The following NCEH1 variants were observed in gnomAD, a reference collection of about 807,000 sequenced individuals.
NCEH1 encodes 2-acetyl MAGE hydrolase.
Under a neutral mutation model 25.4 loss-of-function variants are expected in NCEH1, and 9 were observed. The observed-to-expected ratio is 0.35, with a 90% CI of 0.21 to 0.62. The LOEUF is 0.62. Among genes scored for constraint, NCEH1 ranks in the 20% least tolerant of loss-of-function variants. The pLI is 0.72. For missense variants in NCEH1, 412 were observed against 501.1 expected, an observed-to-expected ratio of 0.82 and a Z score of 1.70; for synonymous variants, 200 against 199.8, an observed-to-expected ratio of 1.00 and a Z score of -0.01.
rs2108485031 is a variant in NCEH1, at chr3:172,632,119, A to G, written c.*1356T>C. ...AGCTTGTGTTCCTCTGACCCTAAAA[A>G]GCGGAGATGAGCAGTGTGTGCCTTG... On this transcript the variant is annotated 3_prime_UTR_variant, in exon 5 of 5. Transcript: ENST00000475381. 1 of 152,610 alleles carries G rather than the reference A, an allele frequency of 6.6e-6. No homozygotes were observed. Among genetic ancestry groups the G allele is most frequent in the South Asian group, 2.1e-4 (1 of 4,824 alleles). 9.5% of individuals were successfully genotyped at this position (152,610 alleles called of 1,614,324 possible). A position where few individuals can be genotyped will look rare whatever the true frequency, so the allele number is the denominator to read the frequency against.
chr3:172,646,263 G>T (rs1351811937), intron 2 of NCEH1, among the ~76,000 whole-genome samples: 2 of 152,146 alleles, frequency 1.3e-5, no homozygotes, highest in Non-Finnish European at 2.9e-5. Context: ...GCTGAGGAAG[G>T]GGGATTACTT....
intron 3 of NCEH1, among the ~76,000 whole-genome samples, chr3:172,638,155 C>T (rs865995162): frequency 6.6e-6 from 1 of 151,224 alleles, no homozygotes; most frequent in Non-Finnish European, 1.5e-5. Context: ...CTGGTCATTC[C>T]GGAATTACCA....
chr3:172,698,502 G>A (rs889605125), intron 1 of NCEH1, among the ~76,000 whole-genome samples: 2 of 152,182 alleles, frequency 1.3e-5, no homozygotes, highest in African/African-American at 4.8e-5. Context: ...TTCAAAGAAA[G>A]ATAGTTTGAG....
At chr3:172,667,545 T>TA (rs1718278444) in intron 1 of NCEH1, among the ~76,000 whole-genome samples, 1 of 152,206 alleles carries the variant, frequency 6.6e-6, no homozygotes, top group South Asian at 2.1e-4. Flanking sequence ...TTCCATGGCT[T>TA]GGAGGACCAT....
intron 2 of NCEH1, 96 bp from the exon 3 acceptor site, chr3:172,645,788 G>T: frequency 1.5e-6 from 1 of 646,706 alleles, no homozygotes; most frequent in Non-Finnish European, 2.6e-6. Context: ...TAGGCTTGGA[G>T]CTAATACTAA....
chr3:172,683,213 C>A (rs554779298), intron 1 of NCEH1, among the ~76,000 whole-genome samples: 35 of 124,542 alleles, frequency 2.8e-4, no homozygotes, highest in Middle Eastern at 3.8e-3. Context: ...ACCATCCCAG[C>A]TAAAACGGTG....
intron 1 of NCEH1, among the ~76,000 whole-genome samples, chr3:172,674,956 G>A (rs1711871300): frequency 2.6e-5 from 4 of 152,110 alleles, no homozygotes; most frequent in Admixed American, 2.6e-4. Context: ...CTAAAGGTTG[G>A]TAATATAATG....
intron 1 of NCEH1, among the ~76,000 whole-genome samples, chr3:172,653,863 T>A (rs1262703648): frequency 1.3e-5 from 2 of 151,712 alleles, no homozygotes; most frequent in Non-Finnish European, 2.9e-5. Flanking sequence ...TTCAAGCGAT[T>A]TTCCTGCCTC....
At chr3:172,682,593 GT>G (rs1291705524) in intron 1 of NCEH1, among the ~76,000 whole-genome samples, 2 of 152,118 alleles carry the variant, frequency 1.3e-5, no homozygotes, top group African/African-American at 4.8e-5. Flanking sequence ...TTGGGGGTAG[GT>G]TTGCACAGGC....
intron 1 of NCEH1, among the ~76,000 whole-genome samples, chr3:172,703,396 CG>C (rs1163397879): frequency 6.6e-6 from 1 of 151,632 alleles, no homozygotes; most frequent in Non-Finnish European, 1.5e-5. Flanking sequence ...GGCATCATGG[CG>C]GGGGCCTGTA....
At chr3:172,662,757 G>C (rs938754124) in intron 1 of NCEH1, among the ~76,000 whole-genome samples, 1 of 152,200 alleles carries the variant, frequency 6.6e-6, no homozygotes, top group Non-Finnish European at 1.5e-5. Context: ...TTGCGTAGAG[G>C]TGTTCATAAT....
At chr3:172,668,387 C>T (rs969991660) in intron 1 of NCEH1, among the ~76,000 whole-genome samples, 1 of 120,998 alleles carries the variant, frequency 8.3e-6, no homozygotes, top group Non-Finnish European at 1.6e-5. Flanking sequence ...GAGAGTCTCG[C>T]TCTGTTGCCC....
chr3:172,634,774 G>A (rs778487655), intron 4 of NCEH1, among the ~76,000 whole-genome samples: 12 of 152,002 alleles, frequency 7.9e-5, no homozygotes, highest in African/African-American at 1.2e-4. Flanking sequence ...TTATATATTT[G>A]TCGTGTAACA....
intron 1 of NCEH1, among the ~76,000 whole-genome samples, chr3:172,698,140 C>T (rs1380287022): frequency 6.6e-6 from 1 of 152,020 alleles, no homozygotes; most frequent in African/African-American, 2.4e-5. Context: ...CCATGCCCGG[C>T]TAATTTTTGT....
At chr3:172,645,956 C>T (rs1717100943) in intron 2 of NCEH1, among the ~76,000 whole-genome samples, 1 of 152,100 alleles carries the variant, frequency 6.6e-6, no homozygotes, top group Non-Finnish European at 1.5e-5. Context: ...TCATAACGGA[C>T]TATATGAAAT....
At chr3:172,684,916 G>A (rs1390056643) in intron 1 of NCEH1, among the ~76,000 whole-genome samples, 1 of 151,872 alleles carries the variant, frequency 6.6e-6, no homozygotes, top group Non-Finnish European at 1.5e-5. Context: ...GGGAGGTGAG[G>A]TTGCAGTGAG....
intron 1 of NCEH1, among the ~76,000 whole-genome samples, chr3:172,649,130 T>C (rs1717271791): frequency 6.6e-6 from 1 of 152,076 alleles, no homozygotes; most frequent in South Asian, 2.1e-4. Context: ...TTGAAGAGGG[T>C]CCGTGTGTGC....
intron 3 of NCEH1, among the ~76,000 whole-genome samples, chr3:172,644,429 C>T (rs1244213354): frequency 1.3e-5 from 2 of 152,216 alleles, no homozygotes; most frequent in African/African-American, 4.8e-5. Context: ...AAGAAGAGAA[C>T]TGAATGAGCC....
intron 1 of NCEH1, among the ~76,000 whole-genome samples, chr3:172,656,321 A>T (rs1560187884): frequency 6.6e-6 from 1 of 152,228 alleles, no homozygotes; most frequent in Non-Finnish European, 1.5e-5. Context: ...TTGAGATCCT[A>T]GAGGAAGGAG....
Sources: gnomAD v4.1 joint callset for allele counts (sites outside exome capture counted in the v4.1 genomes callset) on GRCh38, gnomAD v4.1.1 for gene constraint, MANE v1.5 for transcripts, NCBI Gene and HGNC (gene_info 2026-07-23, HGNC 2026-07-21) for gene names.